The following HIF3A variants were observed in gnomAD, a reference collection of about 807,000 sequenced individuals.
The protein encoded by HIF3A is hypoxia-inducible factor 3-alpha.
A neutral mutation model predicts 67.2 loss-of-function variants in HIF3A; 41 were observed. The observed-to-expected ratio is 0.61, with a 90% confidence interval of 0.48 to 0.79. HIF3A has a LOEUF of 0.79. Ranked by LOEUF, HIF3A falls within the 30% of genes least tolerant of loss-of-function variation. HIF3A has a pLI of 0.00. For missense variants in HIF3A, 855 were observed against 898.0 expected (o/e 0.95, Z 0.61); for synonymous variants, 356 against 374.8 (o/e 0.95, Z 0.58).
chr19:46,327,601 G>T (rs551700717), intron 11 of HIF3A, among the ~76,000 whole-genome samples: 1 of 152,162 alleles, frequency 6.6e-6, no homozygotes, highest in South Asian at 2.1e-4. Context: ...AAGGTTAATG[G>T]CATGGTTCTC....
In HIF3A at chr19:46,304,057, C is replaced by A; in HGVS notation, c.186C>A (p.Ser62Arg). The stretch of plus-strand genomic sequence containing the variant: ...CCTCTATCATGCGCCTCACCATCAG[C>A]TACCTGCGCATGCACCGCCTCTGCG... ...DKASIMRLTISYLRMHRLCAA... is the reference protein window; with the variant it reads ...DKASIMRLTIRYLRMHRLCAA... Residue 62 changes from serine (S) to arginine (R), a missense_variant, in exon 2 of 15, where the codon AGC (serine) becomes AGA (arginine). Ser to Arg is a moderately radical substitution (Grantham distance 110). This residue lies in a region of HIF3A where 638 missense variants were observed against 660.5 expected (regional missense o/e 0.97). Transcript: ENST00000377670. 2 of 1,581,176 alleles carry A rather than the reference C, an allele frequency of 1.3e-6. No homozygotes were observed. The highest frequency in any genetic ancestry group is 1.7e-6 in the Non-Finnish European group (2 of 1,164,592).
chr19:46,331,331 A>T (rs1377657883), intron 13 of HIF3A, 58 bp downstream of exon 13: 1 of 1,375,922 alleles, frequency 7.3e-7, no homozygotes, highest in Admixed American at 1.7e-5. Context: ...GCTTAAACCT[A>T]CTGTTTTATA....
intron 5 of HIF3A, 133 bp from the exon 6 acceptor site, chr19:46,309,018 C>A (rs1203940632): frequency 1.3e-6 from 1 of 782,778 alleles, no homozygotes; most frequent in Non-Finnish European, 2.0e-6. Flanking sequence ...GATCCTCAGT[C>A]CCTTTGAACC....
chr19:46,328,330 C>T (rs1970940448), intron 11 of HIF3A, among the ~76,000 whole-genome samples: 1 of 152,248 alleles, frequency 6.6e-6, no homozygotes, highest in Non-Finnish European at 1.5e-5. Context: ...AGCCAGACCT[C>T]TCTTTGGGTA....
At chr19:46,298,620 C>T (rs1309929531) in intron 1 of HIF3A, 7 of 858,598 alleles carry the variant, frequency 8.2e-6, no homozygotes, top group South Asian at 6.8e-5. Flanking sequence ...CTGGTGGGTA[C>T]GGCTTGCAGC....
At chr19:46,312,853 A>T in intron 8 of HIF3A, 200 bp downstream of exon 8, 1 of 1,261,076 alleles carries the variant, frequency 7.9e-7, no homozygotes, top group Non-Finnish European at 9.9e-7. Context: ...GCATGGACAC[A>T]GGTATGTGTA....
At chr19:46,310,470 C>T in intron 6 of HIF3A, 4 of 321,644 alleles carry the variant, frequency 1.2e-5, no homozygotes, top group Admixed American at 4.0e-5. Flanking sequence ...ATCTCTTTTT[C>T]TCTCCCCCTC....
intron 6 of HIF3A, among the ~76,000 whole-genome samples, chr19:46,311,766 CAGG>C (rs1232319858): frequency 6.6e-6 from 1 of 152,040 alleles, no homozygotes; most frequent in Non-Finnish European, 1.5e-5. Context: ...GAGGCTGAGT[CAGG>C]AGGATTGCTT....
At chr19:46,326,447 TGGGAG>T (rs1970786574) in intron 11 of HIF3A, among the ~76,000 whole-genome samples, 1 of 152,152 alleles carries the variant, frequency 6.6e-6, no homozygotes, top group South Asian at 2.1e-4. Context: ...CTGTACACTG[TGGGAG>T]GCAATAACAT....
Position 46,334,989 on chromosome 19 carries a change from G to C in HIF3A, c.1912+3G>C, listed in dbSNP as rs778574573. The C allele has an allele frequency of 6.2e-7, 1 of 1,601,222 alleles. No individual in the cohort carries two copies. Among genetic ancestry groups the C allele is most frequent in the Non-Finnish European group, 8.5e-7 (1 of 1,173,674 alleles). Reference sequence around the variant, plus strand: ...CCTGAACCTGAATGAGCCCCTGGGTGAGTAGCAACCTGGGTATCCAGAGCC... The same window carrying C: ...CCTGAACCTGAATGAGCCCCTGGGTCAGTAGCAACCTGGGTATCCAGAGCC... On this transcript the variant is annotated splice_donor_region_variant and intron_variant, in intron 14 of 14. Coordinates refer to ENST00000377670, the MANE Select transcript of HIF3A (RefSeq NM_152795.4).
intron 10 of HIF3A, among the ~76,000 whole-genome samples, chr19:46,324,985 T>TGTGTGTGTGTG (rs1555785451): frequency 2.1e-4 from 27 of 127,914 alleles, no homozygotes; most frequent in Non-Finnish European, 3.3e-5. Flanking sequence ...CACACATATA[T>TGTGTGTGTGTG]TGTGTGTGTG....
chr19:46,331,087 C>A, intron 12 of HIF3A, 69 bp from the exon 13 acceptor site: 1 of 1,226,116 alleles, frequency 8.2e-7, no homozygotes, highest in Non-Finnish European at 1.2e-6. Context: ...TGCTCATCAC[C>A]TGCTTACACT....
intron 13 of HIF3A, among the ~76,000 whole-genome samples, chr19:46,332,712 A>G (rs77239637): frequency 6.6e-6 from 1 of 151,510 alleles, no homozygotes; most frequent in Non-Finnish European, 1.5e-5. Flanking sequence ...GGCCAGACAT[A>G]ATGCCTCACG....
chr19:46,311,751 C>T (rs904737938), intron 6 of HIF3A, among the ~76,000 whole-genome samples: 3 of 152,116 alleles, frequency 2.0e-5, no homozygotes, highest in Admixed American at 1.3e-4. Flanking sequence ...GTCCCAGCTA[C>T]TCAGGAGGCT....
At chr19:46,316,895 T>C (rs1055843310) in intron 8 of HIF3A, among the ~76,000 whole-genome samples, 29 of 152,160 alleles carry the variant, frequency 1.9e-4, no homozygotes, top group Non-Finnish European at 8.8e-5. Context: ...CTTAGGGGTT[T>C]TTCTAGATCT....
chr19:46,297,134 A>G lies in HIF3A; in HGVS notation c.26+32A>G. 8.1e-6 allele frequency: 7 copies of G among 865,576 alleles called. No individual in the cohort carries two copies. The highest frequency in any genetic ancestry group is 1.0e-5 in the Non-Finnish European group (7 of 666,772). 53.6% of individuals were successfully genotyped at this position (865,576 alleles called of 1,614,324 possible). On this transcript the variant is annotated intron_variant, in intron 1 of 14. Coordinates refer to ENST00000377670, the MANE Select transcript of HIF3A (RefSeq NM_152795.4). This position sits in a 1 kb window ranked among gnomAD's most constrained non-coding sequence, Gnocchi z 4.5. ...AAGTTCGGGGGCAGGAGTTCTGGGA[A>G]TTGGGGGGCTCTCCTCCTGGAGACC...
intron 2 of HIF3A, chr19:46,304,305 T>A (rs1388854696): frequency 7.2e-6 from 4 of 552,772 alleles, no homozygotes; most frequent in Non-Finnish European, 9.5e-6. Context: ...CCCGCCCCCC[T>A]CGAAGTCTAT....
At position 46,311,799 on chromosome 19, in the gene HIF3A, T is replaced by C. The variant is rs562911830; in HGVS notation, c.771-362T>C. On this transcript the variant is annotated intron_variant, in intron 6 of 14. Transcript: ENST00000377670. ...TTGCTTGAGCCTGGGAGGTCAAGTCTGTGGTGAGCCATGATTGAACCACTG... is the reference window on the plus strand; with the variant it reads ...TTGCTTGAGCCTGGGAGGTCAAGTCCGTGGTGAGCCATGATTGAACCACTG... Among the ~76,000 whole-genome samples the C allele has an allele frequency of 2.6e-5, 4 of 152,260 alleles. No homozygotes were observed. The South Asian group carries it at 8.3e-4, about 32-fold the overall frequency.
chr19:46,339,555 C>G lies in HIF3A; in HGVS notation c.1943C>G (p.Ser648Ter), dbSNP rs1601392887. Residue 648 changes from serine (S) to a stop codon, truncating the protein, a stop_gained, in exon 15 of 15, where the codon TCA (serine) becomes TGA (stop). Coordinates refer to ENST00000377670, the MANE Select transcript of HIF3A (RefSeq NM_152795.4). LOFTEE classifies it high-confidence loss of function. ...GGCCCCTCACTGCTCTCTCCGTACTCAGACGAGGACACTACCCAGCCCGGG... is the reference window on the plus strand; with the variant it reads ...GGCCCCTCACTGCTCTCTCCGTACTGAGACGAGGACACTACCCAGCCCGGG... Reference protein sequence around the residue: ...GLGPSLLSPYSDEDTTQPGGP... With the variant: ...GLGPSLLSPY 2.5e-6 allele frequency: 4 copies of G among 1,608,058 alleles called. No homozygotes were observed. The highest frequency in any genetic ancestry group is 3.4e-6 in the Non-Finnish European group (4 of 1,176,506).
Sources: gnomAD v4.1 joint callset for allele counts (sites outside exome capture counted in the v4.1 genomes callset) on GRCh38, gnomAD v4.1.1 for gene constraint, gnomAD v4.1.1 regional missense constraint, Gnocchi (gnomAD v3.1) non-coding constraint, MANE v1.5 for transcripts, NCBI Gene and HGNC (gene_info 2026-07-23, HGNC 2026-07-21) for gene names.